The following SEC23IP variants were observed in gnomAD, a reference collection of about 807,000 sequenced individuals.
The protein encoded by SEC23IP is SEC23-interacting protein.
In SEC23IP, 70 loss-of-function variants were observed where a neutral mutation model predicts 113.4. That is an observed-to-expected ratio of 0.62 (90% CI 0.51 to 0.75). The LOEUF is 0.75. Ranked by LOEUF, SEC23IP falls within the 30% of genes least tolerant of loss-of-function variation. The pLI, the probability that SEC23IP is intolerant of heterozygous loss-of-function variation, is 0.00. For synonymous variants in SEC23IP, 398 were observed against 421.0 expected (o/e 0.95, Z 0.67); for missense variants, 1,160 against 1,204.9 (o/e 0.96, Z 0.55).
intron 3 of SEC23IP, among the ~76,000 whole-genome samples, chr10:119,903,865 C>T (rs1029866177): frequency 2.6e-5 from 4 of 152,158 alleles, no homozygotes; most frequent in East Asian, 1.9e-4. Flanking sequence ...GGATTATAGG[C>T]GTGTGCCACC....
At position 119,928,932 on chromosome 10, in the gene SEC23IP, G is replaced by A. The variant is rs1317622511; in HGVS notation, c.2314-675G>A. ...CGAGCTCGTGCTAAGCACTTTATGT[G>A]GATTAGGTTATTTATTTTTCAATCA... On this transcript the variant is annotated intron_variant, in intron 13 of 18. Transcript: ENST00000369075. 5.3e-5 allele frequency among the ~76,000 whole-genome samples: 8 copies of A among 152,288 alleles called. No individual in the cohort carries two copies. In the East Asian group the frequency reaches 1.4e-3, roughly 26 times the overall value.
intron 8 of SEC23IP, among the ~76,000 whole-genome samples, chr10:119,916,996 G>T (rs566721537): frequency 1.3e-5 from 2 of 151,816 alleles, no homozygotes; most frequent in East Asian, 3.9e-4. Context: ...AGTCTCCCAA[G>T]TAGCTGGGAC....
Position 119,904,264 on chromosome 10 carries a change from G to T in SEC23IP, c.1088G>T (p.Ser363Ile), listed in dbSNP as rs764518750. 6.2e-7 allele frequency: 1 copy of T among 1,614,144 alleles called. No individual in the cohort carries two copies. The highest frequency in any genetic ancestry group is 8.5e-7 in the Non-Finnish European group (1 of 1,179,972). The change falls in exon 4 of 19, where the codon AGT (serine) becomes ATT (isoleucine). Residue 363 changes from serine to isoleucine, a missense_variant. Coordinates refer to ENST00000369075, the MANE Select transcript of SEC23IP (RefSeq NM_007190.4). ...TTTATTCCCTATACTGAGGAGTTCA[G>T]TGAAAAACTAGAGGTACGGGTGCTT... The part of the protein sequence containing the change: ...SRFIPYTEEF[S>I]EKLEAEYKKA...
rs555615724 is a variant in SEC23IP at position 119,919,048 on chromosome 10, C to T, written c.1873-396C>T. On this transcript the variant is annotated intron_variant, in intron 10 of 18. Coordinates refer to ENST00000369075, the MANE Select transcript of SEC23IP (RefSeq NM_007190.4). ...CACTTTTGTCACCCAGGTTAGAGTG[C>T]AATGGTGTGATCTCGGCTCACTGCA... Among the ~76,000 whole-genome samples, 136 of 148,484 alleles carry T rather than the reference C, an allele frequency of 9.2e-4. 1 individual carries two copies. Among genetic ancestry groups the T allele is most frequent in the Middle Eastern group, 7.0e-3 (2 of 284 alleles).
intron 12 of SEC23IP, 49 bp downstream of exon 12, chr10:119,921,033 A>T: frequency 7.5e-7 from 1 of 1,340,782 alleles, no homozygotes; most frequent in Non-Finnish European, 1.1e-6. Flanking sequence ...TGGTGTGACC[A>T]GCTCGTTTAT....
At chr10:119,923,402 G>T (rs186541869) in intron 12 of SEC23IP, among the ~76,000 whole-genome samples, 1 of 151,642 alleles carries the variant, frequency 6.6e-6, no homozygotes, top group African/African-American at 2.4e-5. Context: ...CAAAATTAGC[G>T]ATTATTTTAT....
chr10:119,932,895 A>G, intron 16 of SEC23IP, 110 bp from the exon 17 acceptor site: 1 of 873,732 alleles, frequency 1.1e-6, no homozygotes, highest in Non-Finnish European at 1.8e-6. Flanking sequence ...GTAGCTCCTC[A>G]GGTTGCTACA....
intron 7 of SEC23IP, 24 bp from the exon 8 acceptor site, chr10:119,915,724 C>CTT: frequency 6.9e-7 from 1 of 1,455,110 alleles, no homozygotes; most frequent in Non-Finnish European, 9.2e-7. Context: ...AATTTATTTT[C>CTT]TCTTTTTTTT....
intron 10 of SEC23IP, among the ~76,000 whole-genome samples, chr10:119,918,714 C>T (rs76969887): frequency 6.6e-6 from 1 of 152,184 alleles, no homozygotes; most frequent in Non-Finnish European, 1.5e-5. Flanking sequence ...TCCCAAAGTG[C>T]TGGCATCAAT....
rs1342302963 is a variant in SEC23IP, at chr10:119,932,196, A to G, written c.2636A>G (p.Lys879Arg). The G allele has an allele frequency of 2.5e-6, 4 of 1,613,368 alleles. No homozygotes were observed. Among genetic ancestry groups the G allele is most frequent in the Non-Finnish European group, 3.4e-6 (4 of 1,179,326 alleles). ...AAGCAGGGTTTTATTAGCTCTCTCA[A>G]AAGTGCTTGGCAGACATTAAATGAG... Reference protein sequence around the residue: ...DLKQGFISSLKSAWQTLNEFA... With the variant: ...DLKQGFISSLRSAWQTLNEFA... The change falls in exon 16 of 19, where the codon AAA becomes AGA. Residue 879 changes from lysine (K) to arginine (R), a missense_variant. Physicochemically the swap from Lys to Arg is conservative, Grantham distance 26. Transcript: ENST00000369075.
intron 4 of SEC23IP, among the ~76,000 whole-genome samples, chr10:119,904,973 A>C (rs1854614728): frequency 6.6e-6 from 1 of 152,124 alleles, no homozygotes; most frequent in Admixed American, 6.6e-5. Flanking sequence ...GTCTCTACTA[A>C]AAATACAAAA....
At chr10:119,936,369 C>T (rs957669606) in intron 18 of SEC23IP, among the ~76,000 whole-genome samples, 46 of 151,558 alleles carry the variant, frequency 3.0e-4, no homozygotes, top group African/African-American at 1.1e-3. Context: ...CCAGCCTGGC[C>T]AACATAGTGA....
intron 10 of SEC23IP, 87 bp downstream of exon 10, chr10:119,918,598 T>TTTG (rs1554916006): frequency 5.6e-5 from 41 of 734,510 alleles, no homozygotes; most frequent in Non-Finnish European, 8.7e-5. Flanking sequence ...TTCTTGAAAC[T>TTTG]TTTGTTTGTT....
intron 18 of SEC23IP, among the ~76,000 whole-genome samples, chr10:119,935,786 G>A (rs115857438): frequency 1.9e-3 from 293 of 152,302 alleles, no homozygotes; most frequent in African/African-American, 6.9e-3. Context: ...TTTGGGATGG[G>A]TTCAAGTTAT....
intron 1 of SEC23IP, chr10:119,898,196 A>G: frequency 2.8e-6 from 2 of 704,550 alleles, no homozygotes; most frequent in South Asian, 8.0e-5. Context: ...GGGCTTATGA[A>G]TGAATTATAA....
chr10:119,903,560 T>C (rs538919099), intron 3 of SEC23IP, among the ~76,000 whole-genome samples: 9 of 152,328 alleles, frequency 5.9e-5, no homozygotes, highest in Non-Finnish European at 1.3e-4. Context: ...AATCCATCAG[T>C]TCTTTGAATT....
intron 15 of SEC23IP, 28 bp downstream of exon 15, chr10:119,930,459 T>C (rs1182295554): frequency 7.5e-7 from 1 of 1,337,916 alleles, no homozygotes; most frequent in Non-Finnish European, 1.1e-6. Context: ...TAAAAACTTT[T>C]TTTCCTGTCA....
chr10:119,899,565 T>A (rs35019752), intron 2 of SEC23IP, among the ~76,000 whole-genome samples: 8,315 of 152,218 alleles, frequency 0.055, 426 homozygotes, highest in South Asian at 0.27. Flanking sequence ...CCCATTTCAG[T>A]GTGGTGGAGA....
At position 119,933,720 on chromosome 10, in the gene SEC23IP, G is replaced by T. The variant is rs1433468888; in HGVS notation, c.2956G>T (p.Glu986Ter). Residue 986 changes from glutamate to a stop codon, truncating the protein, a stop_gained, in exon 18 of 19, where the codon GAA becomes TAA. Transcript: ENST00000369075. LOFTEE classifies it high-confidence loss of function. ...AGATACTGCTCTGTTACTACTTAAA[G>T]AAATTTATCGAACAATGAACATTAG... The part of the protein sequence containing the change: ...SEDTALLLLK[E>*]IYRTMNISPE... The T allele has an allele frequency of 6.3e-7, 1 of 1,596,200 alleles. No individual in the cohort carries two copies. Among genetic ancestry groups the T allele is most frequent in the Non-Finnish European group, 8.6e-7 (1 of 1,164,092 alleles).
Sources: allele counts gnomAD v4.1 joint callset (sites outside exome capture counted in the v4.1 genomes callset), GRCh38; gene constraint gnomAD v4.1.1; transcripts MANE v1.5; gene names NCBI Gene and HGNC (gene_info 2026-07-23, HGNC 2026-07-21).